KIAA1958: variants seen among roughly 807,000 people sequenced by gnomAD.
The protein encoded by KIAA1958 is KIAA1958.
A neutral mutation model predicts 47.2 loss-of-function variants in KIAA1958; 14 were observed. The ratio of observed to expected loss-of-function variants is 0.30; its 90% CI spans 0.20 to 0.46. KIAA1958 has a LOEUF of 0.46. Ranked by LOEUF, KIAA1958 falls within the 20% of genes least tolerant of loss-of-function variation. The pLI is 1.00. For synonymous variants in KIAA1958, 354 were observed against 353.3 expected (o/e 1.00, Z -0.02); for missense variants, 803 against 909.2 (o/e 0.88, Z 1.50).
At chr9:112,572,855 AGGGC>A (rs1380761730) in intron 1 of KIAA1958, among the ~76,000 whole-genome samples, 1 of 152,194 alleles carries the variant, frequency 6.6e-6, no homozygotes, top group Non-Finnish European at 1.5e-5. Flanking sequence ...CCTCCCTGAC[AGGGC>A]GCCATGGAGT....
chr9:112,591,676 T>A (rs1315704797), intron 2 of KIAA1958, among the ~76,000 whole-genome samples: 1 of 151,914 alleles, frequency 6.6e-6, no homozygotes, highest in Non-Finnish European at 1.5e-5. Context: ...GAGGATCGCT[T>A]GAGCCCAGGA....
At chr9:112,648,769 A>C (rs1300131614) in intron 3 of KIAA1958, among the ~76,000 whole-genome samples, 1 of 152,234 alleles carries the variant, frequency 6.6e-6, no homozygotes, top group Non-Finnish European at 1.5e-5. Context: ...ACAAAGTTTC[A>C]GAATATGTAT....
intron 1 of KIAA1958, among the ~76,000 whole-genome samples, chr9:112,550,213 A>T (rs1000282734): frequency 5.3e-5 from 8 of 150,860 alleles, no homozygotes; most frequent in Admixed American, 1.3e-4. Flanking sequence ...TCTGTTGATA[A>T]GTAACTAGTA....
At chr9:112,534,549 CT>C (rs113955860) in intron 1 of KIAA1958, among the ~76,000 whole-genome samples, 70 of 143,726 alleles carry the variant, frequency 4.9e-4, no homozygotes, top group Admixed American at 5.5e-4. Flanking sequence ...TTTCTTTTTT[CT>C]TTTTTTTTTT....
At chr9:112,548,081 G>A (rs970551895) in intron 1 of KIAA1958, among the ~76,000 whole-genome samples, 1 of 138,582 alleles carries the variant, frequency 7.2e-6, no homozygotes, top group Admixed American at 8.0e-5. Flanking sequence ...TTGGCTCACT[G>A]CAGCCTCAAC....
intron 1 of KIAA1958, among the ~76,000 whole-genome samples, chr9:112,563,260 C>T (rs370100264): frequency 6.6e-6 from 1 of 151,958 alleles, no homozygotes; most frequent in African/African-American, 2.4e-5. Context: ...AAGTCTTTAA[C>T]GTGACTTGCA....
chr9:112,487,361 C>T (rs1251067979), intron 1 of KIAA1958, among the ~76,000 whole-genome samples: 1 of 151,584 alleles, frequency 6.6e-6, no homozygotes, highest in East Asian at 2.0e-4. Flanking sequence ...GGCGCAGAGA[C>T]CCCCGGTGGC....
chr9:112,650,184 T>TA (rs1250130433), intron 3 of KIAA1958, among the ~76,000 whole-genome samples: 3 of 151,908 alleles, frequency 2.0e-5, no homozygotes, highest in African/African-American at 7.2e-5. Context: ...AAAGGTGAAA[T>TA]AAAGACCTTT....
chr9:112,604,352 G>A (rs550597951), intron 2 of KIAA1958, among the ~76,000 whole-genome samples: 3 of 152,302 alleles, frequency 2.0e-5, no homozygotes, highest in African/African-American at 7.2e-5. Context: ...TCTCTTAGAA[G>A]TCATTAACCT....
chr9:112,583,399 A>G (rs183101001), intron 2 of KIAA1958, among the ~76,000 whole-genome samples: 2 of 152,366 alleles, frequency 1.3e-5, no homozygotes, highest in African/African-American at 2.4e-5. Context: ...AATTGGTACA[A>G]CTACTTTGGA....
chr9:112,620,909 G>A (rs1836494175), intron 2 of KIAA1958, among the ~76,000 whole-genome samples: 1 of 152,044 alleles, frequency 6.6e-6, no homozygotes, highest in Admixed American at 6.6e-5. Flanking sequence ...TATTTCTTCA[G>A]ACATATTGCA....
chr9:112,551,526 A>T (rs753010890), intron 1 of KIAA1958, among the ~76,000 whole-genome samples: 6 of 152,244 alleles, frequency 3.9e-5, no homozygotes, highest in Middle Eastern at 3.2e-3. Flanking sequence ...AGTATTTTTT[A>T]AAAATCTTAT....
chr9:112,644,211 A>G (rs1024328438), intron 2 of KIAA1958, among the ~76,000 whole-genome samples: 4 of 151,830 alleles, frequency 2.6e-5, no homozygotes, highest in South Asian at 2.1e-4. Context: ...ACAAAAAACA[A>G]CCATGTGAAG....
At chr9:112,609,680 T>C (rs1318126043) in intron 2 of KIAA1958, among the ~76,000 whole-genome samples, 3 of 152,038 alleles carry the variant, frequency 2.0e-5, no homozygotes, top group Non-Finnish European at 4.4e-5. Context: ...ACCTCTCAGG[T>C]ATCTAGGACT....
At chr9:112,556,008 CAG>C (rs1835233504) in intron 1 of KIAA1958, among the ~76,000 whole-genome samples, 1 of 152,176 alleles carries the variant, frequency 6.6e-6, no homozygotes, top group East Asian at 1.9e-4. Context: ...ACCTGGGAGA[CAG>C]AGATTGCAGT....
At chr9:112,587,012 T>C (rs376641114) in intron 2 of KIAA1958, among the ~76,000 whole-genome samples, 6 of 152,176 alleles carry the variant, frequency 3.9e-5, no homozygotes, top group African/African-American at 1.4e-4. Context: ...ATCTTGGGTC[T>C]CAGCAGGAGT....
intron 2 of KIAA1958, among the ~76,000 whole-genome samples, chr9:112,580,416 A>ATG (rs1185202161): frequency 6.6e-6 from 1 of 151,970 alleles, no homozygotes; most frequent in Non-Finnish European, 1.5e-5. Flanking sequence ...ATACATATAT[A>ATG]TGTATATATA....
intron 1 of KIAA1958, among the ~76,000 whole-genome samples, chr9:112,514,560 C>T (rs1183805022): frequency 1.1e-4 from 1 of 9,450 alleles, no homozygotes; most frequent in Non-Finnish European, 1.8e-4. Flanking sequence ...CCAGCCACCC[C>T]GTCCGGGAGG....
rs1444174687 is a variant in KIAA1958 at position 112,633,967 on chromosome 9, C to T, written c.1172-11683C>T. ...TATTCATACATTCATGATATGTACA[C>T]GTTTCTGTTGGGTATATATTTAGGT... On this transcript the variant is annotated intron_variant, in intron 2 of 3. Transcript: ENST00000337530. 5.9e-5 allele frequency among the ~76,000 whole-genome samples: 9 copies of T among 152,064 alleles called. No homozygotes were observed. In the East Asian group the frequency reaches 7.7e-4, roughly 13 times the overall value.
Sources: gnomAD v4.1 joint callset for allele counts (sites outside exome capture counted in the v4.1 genomes callset) on GRCh38, gnomAD v4.1.1 for gene constraint, MANE v1.5 for transcripts, NCBI Gene and HGNC (gene_info 2026-07-23, HGNC 2026-07-21) for gene names.